TMEM72: variants seen among roughly 807,000 people sequenced by gnomAD.
The protein encoded by TMEM72 is kidney-specific secretory protein of 37 kDa.
Under a neutral mutation model 16.3 loss-of-function variants are expected in TMEM72, and 9 were observed. The observed-to-expected ratio is 0.55, with a 90% CI of 0.33 to 0.96. The LOEUF (loss-of-function observed/expected upper bound fraction) is 0.96, where lower values mean the gene tolerates loss of function less well. Among genes scored for constraint, TMEM72 ranks in the 40% least tolerant of loss-of-function variants. The pLI is 0.03. For missense variants in TMEM72, 324 were observed against 337.8 expected (o/e 0.96, Z 0.32); for synonymous variants, 160 against 146.5 (o/e 1.09, Z -0.66).
rs17417442 is a variant in TMEM72 at position 44,935,014 on chromosome 10, C to A, written c.708C>A (p.Ala236=). 2 of 1,613,856 alleles carry A rather than the reference C, an allele frequency of 1.2e-6. No individual in the cohort carries two copies. The highest frequency in any genetic ancestry group is 3.3e-5 in the Admixed American group (2 of 59,992). ...DNLVRIVPSL[A]EGLDDGDSEP... Reference sequence around the variant, plus strand: ...TGGTCCGCATAGTCCCCTCCCTCGCCGAAGGTCTGGATGATGGGGACAGTG... The same window carrying A: ...TGGTCCGCATAGTCCCCTCCCTCGCAGAAGGTCTGGATGATGGGGACAGTG... The change falls in exon 5 of 5, where the codon GCC becomes GCA. Residue 236 remains alanine (A), a synonymous_variant. Transcript: ENST00000389583.
Position 44,911,376 on chromosome 10 carries a change from AC to A in TMEM72, c.-136del. 1 of 837,662 alleles carries A rather than the reference AC, an allele frequency of 1.2e-6. No individual in the cohort carries two copies. The highest frequency in any genetic ancestry group is 1.7e-5 in the South Asian group (1 of 59,474). The allele number at this position is 837,662 out of a possible 1,614,324, so 51.9% of individuals were successfully genotyped here. A position where few individuals can be genotyped will look rare whatever the true frequency, so the allele number is the denominator to read the frequency against. Reference sequence around the variant, plus strand: ...CCTCGGCCAGGCTGCGGTGGCCAGGACTGGTTTGGGAAGGCAGGGCCCCGGT... The same window carrying A: ...CCTCGGCCAGGCTGCGGTGGCCAGGATGGTTTGGGAAGGCAGGGCCCCGGT... On this transcript the variant is annotated 5_prime_UTR_variant, in exon 1 of 5. The change creates a new upstream start codon in the 5' untranslated region. Coordinates refer to ENST00000389583, the MANE Select transcript of TMEM72 (RefSeq NM_001123376.3).
chr10:44,926,692 C>T (rs536862444), intron 1 of TMEM72, among the ~76,000 whole-genome samples: 51 of 152,286 alleles, frequency 3.3e-4, no homozygotes, highest in Middle Eastern at 6.8e-3. Flanking sequence ...CCCCAGAGCC[C>T]TCCATCCATT....
chr10:44,914,197 T>A (rs1839980434), intron 1 of TMEM72, among the ~76,000 whole-genome samples: 1 of 152,190 alleles, frequency 6.6e-6, no homozygotes, highest in African/African-American at 2.4e-5. Flanking sequence ...CCCACCTCAG[T>A]GTCCAGCCCC....
intron 1 of TMEM72, among the ~76,000 whole-genome samples, chr10:44,920,984 G>A (rs949174994): frequency 2.6e-5 from 4 of 152,314 alleles, no homozygotes; most frequent in South Asian, 2.1e-4. Context: ...CCTGCCCAGG[G>A]CTGTACCACA....
chr10:44,932,127 T>C, intron 3 of TMEM72, 58 bp downstream of exon 3: 1 of 1,565,932 alleles, frequency 6.4e-7, no homozygotes, highest in South Asian at 1.1e-5. Context: ...ACACCACAGA[T>C]GTCTCCACCC....
Position 44,935,193 on chromosome 10 carries a change from C to T in TMEM72, c.*59C>T. 1.4e-6 allele frequency: 2 copies of T among 1,480,190 alleles called. No individual in the cohort carries two copies. The highest frequency in any genetic ancestry group is 1.8e-6 in the Non-Finnish European group (2 of 1,103,786). The allele number at this position is 1,480,190 out of a possible 1,614,324, so 91.7% of individuals were successfully genotyped here. On this transcript the variant is annotated 3_prime_UTR_variant, in exon 5 of 5. Coordinates refer to ENST00000389583, the MANE Select transcript of TMEM72 (RefSeq NM_001123376.3). Reference sequence around the variant, plus strand: ...GGGTCTACCTAGCTCAATGGCCCTCCCTGGAGTTTCAGGGTCTTCTCTGGT... The same window carrying T: ...GGGTCTACCTAGCTCAATGGCCCTCTCTGGAGTTTCAGGGTCTTCTCTGGT...
chr10:44,931,983 T>C lies in TMEM72; in HGVS notation c.138-15T>C, dbSNP rs916444856. 3 of 1,610,206 alleles carry C rather than the reference T, an allele frequency of 1.9e-6. No individual in the cohort carries two copies. In the African/African-American group the frequency reaches 4.0e-5, roughly 22 times the overall value. ...GACAGAGGCGCCAGCCTCCCTCACC[T>C]GTCTCCACCTGCAGGTTTACAGGAG... is the stretch of plus-strand genomic sequence containing the variant. On this transcript the variant is annotated splice_polypyrimidine_tract_variant and intron_variant, in intron 2 of 4. Coordinates refer to ENST00000389583, the MANE Select transcript of TMEM72 (RefSeq NM_001123376.3).
chr10:44,921,543 A>C (rs1039618333), intron 1 of TMEM72, among the ~76,000 whole-genome samples: 1 of 152,136 alleles, frequency 6.6e-6, no homozygotes, highest in Non-Finnish European at 1.5e-5. Flanking sequence ...GTCTCCATTG[A>C]TTGGCTCCTG....
At chr10:44,931,536 C>T (rs1160550198) in intron 2 of TMEM72, among the ~76,000 whole-genome samples, 2 of 152,176 alleles carry the variant, frequency 1.3e-5, no homozygotes, top group African/African-American at 4.8e-5. Context: ...AGGCAATGCC[C>T]ATGAGGTCAG....
intron 2 of TMEM72, among the ~76,000 whole-genome samples, chr10:44,928,905 A>G (rs1840246424): frequency 6.6e-6 from 1 of 152,208 alleles, no homozygotes; most frequent in Non-Finnish European, 1.5e-5. Flanking sequence ...TATTCAGCAA[A>G]TATTAATTGA....
rs139171210 is a variant in TMEM72, at chr10:44,926,131, TCACA to T, written c.71-1786_71-1783del. On this transcript the variant is annotated intron_variant, in intron 1 of 4. Transcript: ENST00000389583. The stretch of plus-strand genomic sequence containing the variant: ...CACCCACATACACACATACATACAC[TCACA>T]CACTCACATATATACTCACATATAC... Among the ~76,000 whole-genome samples, 2 of 149,708 alleles carry T rather than the reference TCACA, an allele frequency of 1.3e-5. 1 individual carries two copies. The highest frequency in any genetic ancestry group is 4.2e-4 in the South Asian group (2 of 4,720).
At chr10:44,924,886 G>A (rs1840160645) in intron 1 of TMEM72, among the ~76,000 whole-genome samples, 1 of 152,246 alleles carries the variant, frequency 6.6e-6, no homozygotes, top group Admixed American at 6.5e-5. Flanking sequence ...GGGAGCTTGT[G>A]GGAGTGACCT....
intron 1 of TMEM72, among the ~76,000 whole-genome samples, chr10:44,926,335 C>T (rs1176193967): frequency 1.3e-5 from 2 of 152,130 alleles, no homozygotes; most frequent in Non-Finnish European, 2.9e-5. Context: ...GTCTCTAGGC[C>T]CTCACTGTCC....
chr10:44,929,942 G>T (rs138787940), intron 2 of TMEM72, among the ~76,000 whole-genome samples: 64 of 152,340 alleles, frequency 4.2e-4, no homozygotes, highest in African/African-American at 1.4e-3. Context: ...AACACCCTCC[G>T]TGTCTAACTG....
In TMEM72 at chr10:44,933,469, A is replaced by G. The variant is rs143942439; in HGVS notation, c.210-168A>G. 2.5e-3 allele frequency among the ~76,000 whole-genome samples: 382 copies of G among 152,366 alleles called. 1 individual carries two copies. Among genetic ancestry groups the G allele is most frequent in the African/African-American group, 8.8e-3 (368 of 41,590 alleles). On this transcript the variant is annotated intron_variant, in intron 3 of 4. Coordinates refer to ENST00000389583, the MANE Select transcript of TMEM72 (RefSeq NM_001123376.3). ...GTGGACCCTCTAGAGGGACTCAGGC[A>G]AATCCACTCATTGTGGAACCCACAC...
chr10:44,924,007 G>A (rs1050493676), intron 1 of TMEM72, among the ~76,000 whole-genome samples: 3 of 152,140 alleles, frequency 2.0e-5, no homozygotes, highest in Admixed American at 1.3e-4. Context: ...GGAGCACCTG[G>A]AGCTGGTCTC....
chr10:44,930,757 C>A (rs1181256986), intron 2 of TMEM72, among the ~76,000 whole-genome samples: 1 of 152,162 alleles, frequency 6.6e-6, no homozygotes, highest in African/African-American at 2.4e-5. Flanking sequence ...CACTGTGTGC[C>A]AAGCATGGTC....
At chr10:44,922,363 T>A (rs1840114281) in intron 1 of TMEM72, among the ~76,000 whole-genome samples, 1 of 152,240 alleles carries the variant, frequency 6.6e-6, no homozygotes, top group African/African-American at 2.4e-5. Flanking sequence ...ACACTTCATG[T>A]TCACCTCCTG....
intron 1 of TMEM72, among the ~76,000 whole-genome samples, chr10:44,912,324 C>T (rs1225403011): frequency 6.6e-6 from 1 of 152,216 alleles, no homozygotes; most frequent in Non-Finnish European, 1.5e-5. Context: ...CTCGCTTCCC[C>T]AGGGCAGGCC....
Sources: allele counts gnomAD v4.1 joint callset (sites outside exome capture counted in the v4.1 genomes callset), GRCh38; gene constraint gnomAD v4.1.1; transcripts MANE v1.5; gene names NCBI Gene and HGNC (gene_info 2026-07-23, HGNC 2026-07-21).